The following MTUS1 variants were observed in gnomAD, a reference collection of about 807,000 sequenced individuals.
MTUS1 encodes the protein microtubule associated scaffold protein 1, also known as microtubule-associated tumor suppressor 1.
In MTUS1, 109 loss-of-function variants were observed where a neutral mutation model predicts 120.8. The observed-to-expected ratio is 0.90, with a 90% confidence interval of 0.77 to 1.06. The LOEUF (loss-of-function observed/expected upper bound fraction) is 1.06. Among genes scored for constraint, MTUS1 ranks in the 50% least tolerant of loss-of-function variants. The probability of loss-of-function intolerance (pLI) is 0.00; values close to 1 mark genes in which losing one functional copy is unlikely to be tolerated. For missense variants in MTUS1, 2,210 were observed against 1,486.3 expected (o/e 1.49, Z -8.01); for synonymous variants, 737 against 550.5 (o/e 1.34, Z -4.74).
rs187649908 is a variant in MTUS1, at chr8:17,671,322, G to A, written c.2905+3864C>T. ...CTTAAAATACCCAAAAATATTTATCGAGTACCCAAGAAAACAGAAAGCATA... is the reference window on the plus strand; with the variant it reads ...CTTAAAATACCCAAAAATATTTATCAAGTACCCAAGAAAACAGAAAGCATA... On this transcript the variant is annotated intron_variant, in intron 8 of 14. Coordinates refer to ENST00000693296, the MANE Select transcript of MTUS1 (RefSeq NM_001363059.2). 1.5e-4 allele frequency among the ~76,000 whole-genome samples: 22 copies of A among 148,846 alleles called. 1 individual carries two copies. In the East Asian group the frequency reaches 2.9e-3, roughly 20 times the overall value.
In MTUS1 at chr8:17,755,199, T is replaced by C. The variant is rs746747636; in HGVS notation, c.609A>G (p.Leu203=). The C allele has an allele frequency of 1.7e-5, 28 of 1,614,076 alleles. No homozygotes were observed. The highest frequency in any genetic ancestry group is 2.3e-5 in the Non-Finnish European group (27 of 1,180,038). Reference sequence around the variant, plus strand: ...GGGAAGATGTCCAAGTGGAATAGGATAAAGAAGATGTACTTCCACTTCTCC... The same window carrying C: ...GGGAAGATGTCCAAGTGGAATAGGACAAAGAAGATGTACTTCCACTTCTCC... The part of the protein sequence containing the change: ...TGRRSGSTSS[L]SYSTWTSSHS... Residue 203 remains leucine (L), a synonymous_variant, in exon 2 of 15, where the codon TTA becomes TTG. Coordinates refer to ENST00000693296, the MANE Select transcript of MTUS1 (RefSeq NM_001363059.2).
chr8:17,689,006 T>C (rs1027057727), intron 6 of MTUS1, among the ~76,000 whole-genome samples: 1 of 152,114 alleles, frequency 6.6e-6, no homozygotes, highest in Non-Finnish European at 1.5e-5. Context: ...AGTCACGTGA[T>C]TGAGACCATT....
intron 8 of MTUS1, among the ~76,000 whole-genome samples, chr8:17,669,012 T>C (rs11782619): frequency 0.58 from 88,036 of 152,160 alleles, 27,937 homozygotes; most frequent in East Asian, 0.83. Context: ...AAATCATTCA[T>C]TGATTGAAGT....
intron 3 of MTUS1, among the ~76,000 whole-genome samples, chr8:17,735,859 TAGA>T (rs1448170294): frequency 5.3e-5 from 8 of 152,218 alleles, no homozygotes; most frequent in African/African-American, 1.7e-4. Context: ...TTTCACCGTC[TAGA>T]AGGAGACAGA....
At position 17,684,731 on chromosome 8, in the gene MTUS1, G is replaced by A. The variant is rs78890329; in HGVS notation, c.2624-189C>T. On this transcript the variant is annotated intron_variant, in intron 6 of 14. Coordinates refer to ENST00000693296, the MANE Select transcript of MTUS1 (RefSeq NM_001363059.2). ...CGGTTGGAATTCATGAACAGGGACC[G>A]TGGCTTCATTTATGACTTTAAAAGA... Among the ~76,000 whole-genome samples the A allele has an allele frequency of 3.6e-3, 541 of 152,276 alleles. 3 individuals are homozygous for A. The highest frequency in any genetic ancestry group is 0.012 in the African/African-American group (496 of 41,550).
rs763783511 is a variant in MTUS1, at chr8:17,755,540, T to A, written c.268A>T (p.Ile90Phe). 6.2e-7 allele frequency: 1 copy of A among 1,614,204 alleles called. No individual in the cohort carries two copies. Reference protein sequence around the residue: ...FGHEKSSSDFISKQVLDMHKD... With the variant: ...FGHEKSSSDFFSKQVLDMHKD... ...TGCATATCTAACACCTGCTTACTAA[T>A]GAAATCACTAGAAGACTTTTCATGA... is the stretch of plus-strand genomic sequence containing the variant. Residue 90 changes from isoleucine to phenylalanine, a missense_variant, in exon 2 of 15, where the codon ATT becomes TTT. Coordinates refer to ENST00000693296, the MANE Select transcript of MTUS1 (RefSeq NM_001363059.2).
intron 6 of MTUS1, among the ~76,000 whole-genome samples, chr8:17,707,405 T>G (rs1820386404): frequency 1.3e-5 from 2 of 152,130 alleles, no homozygotes; most frequent in Admixed American, 1.3e-4. Flanking sequence ...CAGGTTAGTC[T>G]TAAGTCATGA....
intron 7 of MTUS1, among the ~76,000 whole-genome samples, chr8:17,682,079 C>G (rs1040108757): frequency 3.9e-5 from 6 of 152,114 alleles, no homozygotes; most frequent in African/African-American, 1.4e-4. Context: ...GGCTACCACA[C>G]TGGACACATC....
intron 8 of MTUS1, among the ~76,000 whole-genome samples, chr8:17,674,179 T>C (rs1812590751): frequency 6.6e-6 from 1 of 151,988 alleles, no homozygotes; most frequent in East Asian, 1.9e-4. Flanking sequence ...GGCTCACACC[T>C]ATAATCCCAG....
intron 3 of MTUS1, among the ~76,000 whole-genome samples, chr8:17,739,365 T>C (rs1157059814): frequency 6.6e-6 from 1 of 151,940 alleles, no homozygotes; most frequent in Non-Finnish European, 1.5e-5. Context: ...TGGTGGTTCA[T>C]GCCTGTAATC....
intron 1 of MTUS1, among the ~76,000 whole-genome samples, chr8:17,791,269 A>G (rs918639424): frequency 6.6e-6 from 1 of 152,222 alleles, no homozygotes; most frequent in African/African-American, 2.4e-5. Flanking sequence ...TTAATATCAT[A>G]TTTACAATGT....
rs920138347 is a variant in MTUS1 at position 17,654,824 on chromosome 8, C to T, written c.3109-158G>A. 4 of 611,842 alleles carry T rather than the reference C, an allele frequency of 6.5e-6. No homozygotes were observed. The African/African-American group carries it at 7.4e-5, about 11-fold the overall frequency. 37.9% of individuals were successfully genotyped at this position (611,842 alleles called of 1,614,324 possible). ...ACATACAAAGGTCAGGGCAGTGGTTCACACTTGTAACCTCAGCACTCTGGG... is the reference window on the plus strand; with the variant it reads ...ACATACAAAGGTCAGGGCAGTGGTTTACACTTGTAACCTCAGCACTCTGGG... On this transcript the variant is annotated intron_variant, in intron 9 of 14. Transcript: ENST00000693296.
At chr8:17,687,141 A>C (rs1207607128) in intron 6 of MTUS1, among the ~76,000 whole-genome samples, 1 of 152,134 alleles carries the variant, frequency 6.6e-6, no homozygotes, top group African/African-American at 2.4e-5. Flanking sequence ...CGTGTCTTCA[A>C]ATTTTAAAAT....
At chr8:17,793,845 G>A (rs548771473) in intron 1 of MTUS1, among the ~76,000 whole-genome samples, 3 of 152,276 alleles carry the variant, frequency 2.0e-5, no homozygotes, top group East Asian at 1.9e-4. Flanking sequence ...TTAATGCAAA[G>A]CCCAACGTTA....
At chr8:17,697,405 C>T (rs745808506) in intron 6 of MTUS1, 1 of 1,612,250 alleles carries the variant, frequency 6.2e-7, no homozygotes, top group Non-Finnish European at 8.5e-7. Flanking sequence ...CGAGATTTCA[C>T]AGAAGAGGCA....
rs2131344279 is a variant in MTUS1 at position 17,755,220 on chromosome 8, T to G, written c.588A>C (p.Arg196Ser). ...AGGATAAAGAAGATGTACTTCCACT[T>G]CTCCTACCAGTTGGTGGCAGGCTTC... ...TAGSLPPTGR[R>S]SGSTSSLSYS... is the part of the protein sequence containing the mutation. Residue 196 changes from arginine (R) to serine (S), a missense_variant, in exon 2 of 15, where the codon AGA (arginine) becomes AGC (serine). By Grantham distance (110) the Arg-to-Ser change is moderately radical. Coordinates refer to ENST00000693296, the MANE Select transcript of MTUS1 (RefSeq NM_001363059.2). 1 of 1,614,170 alleles carries G rather than the reference T, an allele frequency of 6.2e-7. No homozygotes were observed. Among genetic ancestry groups the G allele is most frequent in the East Asian group, 2.2e-5 (1 of 44,876 alleles).
At chr8:17,676,370 G>A in intron 7 of MTUS1, 1 of 702,538 alleles carries the variant, frequency 1.4e-6, no homozygotes, top group Middle Eastern at 2.4e-4. Context: ...CCCTCGCACT[G>A]TGCAAGAAGC....
At chr8:17,760,974 G>A (rs1161244638) in intron 1 of MTUS1, among the ~76,000 whole-genome samples, 4 of 152,056 alleles carry the variant, frequency 2.6e-5, no homozygotes, top group African/African-American at 4.8e-5. Flanking sequence ...AAAGCAGAAT[G>A]ATCAAGTTTC....
chr8:17,771,656 C>A (rs994636373), intron 1 of MTUS1, among the ~76,000 whole-genome samples: 2 of 152,182 alleles, frequency 1.3e-5, no homozygotes, highest in South Asian at 4.1e-4. Context: ...GTCTTGCAAG[C>A]AGGCAGTCTA....
Sources: allele counts gnomAD v4.1 joint callset (sites outside exome capture counted in the v4.1 genomes callset), GRCh38; gene constraint gnomAD v4.1.1; transcripts MANE v1.5; gene names NCBI Gene and HGNC (gene_info 2026-07-23, HGNC 2026-07-21).